Variants in ATP5MK observed in about 807,000 individuals in gnomAD.
ATP5MK encodes the protein ATP synthase F(0) complex subunit k, mitochondrial.
Under a neutral mutation model 6.6 loss-of-function variants are expected in ATP5MK, and 5 were observed. The ratio of observed to expected loss-of-function variants is 0.76; its 90% CI spans 0.40 to 1.60. ATP5MK has a LOEUF of 1.60. Among genes scored for constraint, ATP5MK ranks in the 40% most tolerant of loss-of-function variants. The pLI is 0.02. For missense variants in ATP5MK, 57 were observed against 66.6 expected (o/e 0.86, Z 0.50); for synonymous variants, 30 against 24.5 (o/e 1.22, Z -0.66).
At chr10:103,394,834 G>A (rs916250964) in intron 2 of ATP5MK, among the ~76,000 whole-genome samples, 7 of 144,048 alleles carry the variant, frequency 4.9e-5, no homozygotes, top group African/African-American at 1.8e-4. Flanking sequence ...TAGGAGAAAC[G>A]CTACAGAAAA....
chr10:103,393,376 C>G (rs185812374), intron 2 of ATP5MK, among the ~76,000 whole-genome samples: 2 of 151,860 alleles, frequency 1.3e-5, no homozygotes, highest in Non-Finnish European at 2.9e-5. Context: ...GTCAGGAGAT[C>G]GAGACCATCC....
intron 2 of ATP5MK, among the ~76,000 whole-genome samples, chr10:103,395,369 C>G (rs148026891): frequency 1.3e-5 from 2 of 152,340 alleles, no homozygotes; most frequent in African/African-American, 4.8e-5. Flanking sequence ...GCGATCTCAG[C>G]TCACTGCAAT....
chr10:103,392,173 T>G lies in ATP5MK; in HGVS notation c.*3+18A>C, dbSNP rs760002458. On this transcript the variant is annotated intron_variant, in intron 4 of 4. Transcript: ENST00000369815. ...TCAAAATGGCTAAATTATAAAGGTT[T>G]AAATGTCAACTTCTTACCATTTATG... is the stretch of plus-strand genomic sequence containing the variant. The G allele has an allele frequency of 2.1e-5, 33 of 1,589,082 alleles. No individual in the cohort carries two copies. The highest frequency in any genetic ancestry group is 2.8e-5 in the Non-Finnish European group (33 of 1,163,700).
intron 2 of ATP5MK, chr10:103,394,335 C>G (rs774535604): frequency 1.9e-6 from 1 of 533,574 alleles, no homozygotes; most frequent in Non-Finnish European, 3.9e-6. Context: ...ATTGGCAACA[C>G]AGACGAGCCG....
chr10:103,394,509 T>C (rs1205362795), intron 2 of ATP5MK: 1 of 360,660 alleles, frequency 2.8e-6, no homozygotes, highest in Admixed American at 3.1e-5. Context: ...GCAATGAAAA[T>C]TTGAGAAAAA....
At chr10:103,392,561 C>A in intron 2 of ATP5MK, 95 bp from the exon 3 acceptor site, 1 of 878,654 alleles carries the variant, frequency 1.1e-6, no homozygotes, top group South Asian at 1.8e-5. Context: ...AACTCAAGGT[C>A]ACTGCATATA....
chr10:103,392,283 A>G lies in ATP5MK; in HGVS notation c.88T>C (p.Cys30Arg), dbSNP rs1564749225. ...NSYTLTGRMN[C>R]VLATYGSIAL... The stretch of plus-strand genomic sequence containing the variant: ...ATGCTTCCATATGTGGCCAGTACAC[A>G]CTGAGAAAGAAAGAAAAAAGTAAAC... Residue 30 changes from cysteine (C) to arginine (R), a missense_variant and splice_region_variant, in exon 4 of 5, where the codon TGT becomes CGT. Transcript: ENST00000369815. 1 of 1,607,106 alleles carries G rather than the reference A, an allele frequency of 6.2e-7. No homozygotes were observed. Among genetic ancestry groups the G allele is most frequent in the Non-Finnish European group, 8.5e-7 (1 of 1,178,318 alleles).
chr10:103,394,379 A>G (rs749447526), intron 2 of ATP5MK: 1 of 526,444 alleles, frequency 1.9e-6, no homozygotes, highest in Non-Finnish European at 3.9e-6. Context: ...AGGCAGTGAC[A>G]GTGACTCAGC....
chr10:103,395,069 G>A (rs1169999225), intron 2 of ATP5MK, among the ~76,000 whole-genome samples: 1 of 152,110 alleles, frequency 6.6e-6, no homozygotes. Flanking sequence ...AGTTAGTCTG[G>A]GTCTTAAAGG....
rs2093432159 is a variant in ATP5MK at position 103,395,913 on chromosome 10, GC to G, written c.-178del. The G allele has an allele frequency of 6.6e-6, 1 of 152,184 alleles. No individual in the cohort carries two copies. The highest frequency in any genetic ancestry group is 2.4e-5 in the African/African-American group (1 of 41,444). 9.4% of individuals were successfully genotyped at this position (152,184 alleles called of 1,614,324 possible). A position where few individuals can be genotyped will look rare whatever the true frequency, so the allele number is the denominator to read the frequency against. The stretch of plus-strand genomic sequence containing the variant: ...TAGACTGAAATCTAACCCTTTTACA[GC>G]GGGCCTGGCGAACTGTAGGGGCCGG... On this transcript the variant is annotated 5_prime_UTR_variant, in exon 2 of 5. An upstream open reading frame in the 5' UTR loses its in-frame stop. Coordinates refer to ENST00000369815, the MANE Select transcript of ATP5MK (RefSeq NM_001206427.2).
At chr10:103,391,547 C>T (rs1333815527) in intron 4 of ATP5MK, among the ~76,000 whole-genome samples, 1 of 151,994 alleles carries the variant, frequency 6.6e-6, no homozygotes, top group Non-Finnish European at 1.5e-5. Context: ...TGCTCTTGTC[C>T]CCCAGGCTGG....
intron 2 of ATP5MK, among the ~76,000 whole-genome samples, chr10:103,393,042 A>C (rs981663137): frequency 6.6e-6 from 1 of 152,194 alleles, no homozygotes; most frequent in Non-Finnish European, 1.5e-5. Context: ...TAAAAGATTT[A>C]AATGTAAATA....
intron 4 of ATP5MK, among the ~76,000 whole-genome samples, chr10:103,391,264 C>T (rs532503773): frequency 1.3e-5 from 2 of 152,216 alleles, no homozygotes; most frequent in South Asian, 2.1e-4. Context: ...GCACTTTTGC[C>T]TAAGATGACA....
intron 2 of ATP5MK, among the ~76,000 whole-genome samples, chr10:103,393,334 C>T (rs144385560): frequency 7.9e-4 from 121 of 152,268 alleles, no homozygotes; most frequent in African/African-American, 2.8e-3. Flanking sequence ...GTAATCCCAG[C>T]ACTTTGGGAG....
intron 4 of ATP5MK, among the ~76,000 whole-genome samples, chr10:103,391,709 T>C (rs1380703539): frequency 6.6e-6 from 1 of 152,182 alleles, no homozygotes; most frequent in Non-Finnish European, 1.5e-5. Flanking sequence ...GGTTTCACCA[T>C]GTTGGCCAGG....
chr10:103,392,245 G>T lies in ATP5MK; in HGVS notation c.126C>A (p.Val42=). The T allele has an allele frequency of 1.2e-6, 2 of 1,613,424 alleles. No homozygotes were observed. Among genetic ancestry groups the T allele is most frequent in the Non-Finnish European group, 1.7e-6 (2 of 1,179,824 alleles). ...LATYGSIALI[V]LYFKLRSKKT... ...TTTTGGACCTTAACTTGAAATATAA[G>T]ACAATCAATGCAATGCTTCCATATG... Residue 42 remains valine (V), a synonymous_variant, in exon 4 of 5, where the codon GTC becomes GTA. Coordinates refer to ENST00000369815, the MANE Select transcript of ATP5MK (RefSeq NM_001206427.2).
At chr10:103,389,392 G>A (rs184574352) in intron 4 of ATP5MK, among the ~76,000 whole-genome samples, 8 of 152,092 alleles carry the variant, frequency 5.3e-5, no homozygotes, top group Admixed American at 4.6e-4. Flanking sequence ...GCACAATCTC[G>A]GCTCACTGCA....
At chr10:103,394,375 T>C (rs1394450896) in intron 2 of ATP5MK, 1 of 527,130 alleles carries the variant, frequency 1.9e-6, no homozygotes, top group South Asian at 1.4e-5. Flanking sequence ...TGGTAGGCAG[T>C]GACAGTGACT....
rs1339497912 is a variant in ATP5MK at position 103,392,354 on chromosome 10, A to C, written c.87+17T>G. ...TATTATTTTAAAATATAACTGCTTA[A>C]AGTTATCAATACTTACGTTCATTCT... On this transcript the variant is annotated intron_variant, in intron 3 of 4. Coordinates refer to ENST00000369815, the MANE Select transcript of ATP5MK (RefSeq NM_001206427.2). 6.3e-7 allele frequency: 1 copy of C among 1,590,590 alleles called. No individual in the cohort carries two copies. Among genetic ancestry groups the C allele is most frequent in the Non-Finnish European group, 8.6e-7 (1 of 1,168,580 alleles).
Sources: allele counts gnomAD v4.1 joint callset (sites outside exome capture counted in the v4.1 genomes callset), GRCh38; gene constraint gnomAD v4.1.1; transcripts MANE v1.5; gene names NCBI Gene and HGNC (gene_info 2026-07-23, HGNC 2026-07-21).